Variants in SIPA1L3 observed in about 807,000 individuals in gnomAD.
The protein encoded by SIPA1L3 is signal induced proliferation associated 1 like 3, also known as signal-induced proliferation-associated 1-like protein 3.
SIPA1L3 carries 59 observed loss-of-function variants against 150.1 expected under a neutral mutation model. That is an observed-to-expected ratio of 0.39 (90% CI 0.32 to 0.49). The LOEUF (loss-of-function observed/expected upper bound fraction) is 0.49. Among genes scored for constraint, SIPA1L3 ranks in the 20% least tolerant of loss-of-function variants. The probability of loss-of-function intolerance (pLI) is 0.86; values close to 1 mark genes in which losing one functional copy is unlikely to be tolerated. For missense variants in SIPA1L3, 2,211 were observed against 2,489.5 expected (o/e 0.89, Z 2.38); for synonymous variants, 1,070 against 1,077.6 (o/e 0.99, Z 0.14).
intron 16 of SIPA1L3, among the ~76,000 whole-genome samples, chr19:38,188,925 A>C (rs1972748049): frequency 6.6e-6 from 1 of 151,556 alleles, no homozygotes; most frequent in Non-Finnish European, 1.5e-5. Context: ...CGTCTCAAAA[A>C]AAAAAAAAAA....
intron 2 of SIPA1L3, among the ~76,000 whole-genome samples, chr19:38,075,186 G>A (rs558173852): frequency 5.4e-4 from 82 of 152,342 alleles, no homozygotes; most frequent in African/African-American, 1.9e-3. Flanking sequence ...ACTGGGCGTG[G>A]TGGCTCACGC....
At chr19:38,167,001 A>G (rs1206397929) in intron 15 of SIPA1L3, among the ~76,000 whole-genome samples, 1 of 152,062 alleles carries the variant, frequency 6.6e-6, no homozygotes, top group Non-Finnish European at 1.5e-5. Flanking sequence ...TTGGGAGGCC[A>G]AGGCAAGCGG....
chr19:38,149,392 CAAAA>C (rs1328130035), intron 12 of SIPA1L3, among the ~76,000 whole-genome samples: 9 of 151,760 alleles, frequency 5.9e-5, no homozygotes, highest in Non-Finnish European at 1.3e-4. Context: ...CTCAAAAAAA[CAAAA>C]AAAGTCTTGT....
At position 38,088,138 on chromosome 19, in the gene SIPA1L3, A is replaced by G. The variant is rs369273186; in HGVS notation, c.1535-583A>G. Reference sequence around the variant, plus strand: ...CAACAACTGGGGATGGTCATTGCCAACACTCATCATGTGCGTACTATGTGC... The same window carrying G: ...CAACAACTGGGGATGGTCATTGCCAGCACTCATCATGTGCGTACTATGTGC... On this transcript the variant is annotated intron_variant, in intron 3 of 21. Coordinates refer to ENST00000222345, the MANE Select transcript of SIPA1L3 (RefSeq NM_015073.3). Among the ~76,000 whole-genome samples, 20 of 152,256 alleles carry G rather than the reference A, an allele frequency of 1.3e-4. 1 individual carries two copies. Among genetic ancestry groups the G allele is most frequent in the East Asian group, 1.2e-3 (6 of 5,200 alleles).
chr19:37,980,997 A>G (rs1296093823), intron 1 of SIPA1L3, among the ~76,000 whole-genome samples: 2 of 152,194 alleles, frequency 1.3e-5, no homozygotes, highest in Admixed American at 6.5e-5. Flanking sequence ...TGCCAAATAC[A>G]GGCTTTGTTT....
chr19:38,156,641 A>G lies in SIPA1L3; in HGVS notation c.3661+3674A>G, dbSNP rs563706986. On this transcript the variant is annotated intron_variant, in intron 13 of 21. Transcript: ENST00000222345. ...GGAGCTCAAGACCAGCCTGACCAAC[A>G]TGATGAAACCCTATCTGTACCAAAA... Among the ~76,000 whole-genome samples the G allele has an allele frequency of 5.3e-5, 8 of 151,870 alleles. No individual in the cohort carries two copies. The South Asian group carries it at 1.7e-3, about 32-fold the overall frequency.
At position 38,088,772 on chromosome 19, in the gene SIPA1L3, G is replaced by A. The variant is rs1970196741; in HGVS notation, c.1586G>A (p.Ser529Asn). Residue 529 changes from serine to asparagine, a missense_variant, in exon 4 of 22, where the codon AGC becomes AAC. Physicochemically the swap from Ser to Asn is conservative, Grantham distance 46. This residue lies in a region of SIPA1L3 where 625 missense variants were observed against 804.2 expected (regional missense o/e 0.78). Transcript: ENST00000222345. ...GAGAAGCTGGGGCCAGTGGCTGTGA[G>A]CATTAAGCGGGAGAAGCTGGAAGAC... is the stretch of plus-strand genomic sequence containing the variant. ...VDEKLGPVAV[S>N]IKREKLEDHK... The A allele has an allele frequency of 1.2e-6, 2 of 1,614,136 alleles. No individual in the cohort carries two copies. The highest frequency in any genetic ancestry group is 1.7e-6 in the Non-Finnish European group (2 of 1,179,976).
At chr19:38,077,045 AG>A (rs1236215496) in intron 2 of SIPA1L3, among the ~76,000 whole-genome samples, 1 of 152,232 alleles carries the variant, frequency 6.6e-6, no homozygotes, top group Admixed American at 6.5e-5. Context: ...ATGCCAGCAA[AG>A]GATGGTTTGA....
chr19:38,025,599 A>G (rs1005809188), intron 1 of SIPA1L3, among the ~76,000 whole-genome samples: 2 of 152,236 alleles, frequency 1.3e-5, no homozygotes, highest in African/African-American at 2.4e-5. Context: ...CAGCCTTTAT[A>G]GAGCCATATG....
rs556125554 is a variant in SIPA1L3 at position 37,954,526 on chromosome 19, C to G, written c.-379+47168C>G. Among the ~76,000 whole-genome samples, 255 of 152,184 alleles carry G rather than the reference C, an allele frequency of 1.7e-3. 1 individual carries two copies. The highest frequency in any genetic ancestry group is 1.8e-3 in the Non-Finnish European group (123 of 68,010). On this transcript the variant is annotated intron_variant, in intron 1 of 21. Transcript: ENST00000222345. ...GAGACAGGCTGGTTTGCAGCCAGAT[C>G]AGTTTTAGGAAGAGGAACTTGTGGA...
At chr19:38,115,633 CGGCTGCTACCTGTGCTGCACCCCCT>C (rs1039636907) in intron 8 of SIPA1L3, among the ~76,000 whole-genome samples, 7 of 152,168 alleles carry the variant, frequency 4.6e-5, no homozygotes, top group South Asian at 2.1e-4. Flanking sequence ...CTTCCCTAGT[CGGCTGCTACCTGTGCTGCACCCCCT>C]GGCTGCAGCA....
intron 1 of SIPA1L3, among the ~76,000 whole-genome samples, chr19:38,026,226 A>G (rs1968507304): frequency 6.6e-6 from 1 of 152,136 alleles, no homozygotes. Context: ...TTTTATTCTC[A>G]GGTAGGCTCT....
Position 38,178,756 on chromosome 19 carries a change from A to G in SIPA1L3, c.4209-3763A>G, listed in dbSNP as rs573884197. Among the ~76,000 whole-genome samples, 18 of 152,218 alleles carry G rather than the reference A, an allele frequency of 1.2e-4. 2 individuals carry two copies. The South Asian group carries it at 3.3e-3, about 28-fold the overall frequency. ...CTCCCAAAGTGCCGGGATTACAGGCATGAGCTACCACACCCAGCCAGGCCA... is the reference window on the plus strand; with the variant it reads ...CTCCCAAAGTGCCGGGATTACAGGCGTGAGCTACCACACCCAGCCAGGCCA... On this transcript the variant is annotated intron_variant, in intron 15 of 21. Transcript: ENST00000222345.
rs766856451 is a variant in SIPA1L3, at chr19:38,152,926, G to T, written c.3620G>T (p.Gly1207Val). Reference sequence around the variant, plus strand: ...TCCAGCGGCGACTCCTCTTCCGGCGGCCTGACCAGCCAGGAGAGCACCATG... The same window carrying T: ...TCCAGCGGCGACTCCTCTTCCGGCGTCCTGACCAGCCAGGAGAGCACCATG... ...GTSSGDSSSG[G>V]LTSQESTMER... Residue 1207 changes from glycine to valine, a missense_variant, in exon 13 of 22, where the codon GGC (glycine) becomes GTC (valine). Physicochemically the swap from Gly to Val is moderately radical, Grantham distance 109. This residue lies in a region of SIPA1L3 where 806 missense variants were observed against 870.1 expected (regional missense o/e 0.93). Coordinates refer to ENST00000222345, the MANE Select transcript of SIPA1L3 (RefSeq NM_015073.3). The T allele has an allele frequency of 1.9e-6, 3 of 1,613,668 alleles. No individual in the cohort carries two copies. The highest frequency in any genetic ancestry group is 2.5e-6 in the Non-Finnish European group (3 of 1,179,838).
intron 15 of SIPA1L3, among the ~76,000 whole-genome samples, chr19:38,166,184 G>A (rs917038117): frequency 1.3e-5 from 2 of 152,058 alleles, no homozygotes; most frequent in South Asian, 2.1e-4. Flanking sequence ...GGCTGGAAAC[G>A]GTGGCTCATA....
At position 37,955,675 on chromosome 19, in the gene SIPA1L3, C is replaced by T. The variant is rs353401; in HGVS notation, c.-379+48317C>T. Among the ~76,000 whole-genome samples, 191 of 152,296 alleles carry T rather than the reference C, an allele frequency of 1.3e-3. 2 individuals carry two copies. In the East Asian group the frequency reaches 0.015, roughly 12 times the overall value. ...TCCGTCACTTAGCATAATGTTTCTG[C>T]GCTTCCTCCAGGTGATAGCTCATAT... On this transcript the variant is annotated intron_variant, in intron 1 of 21. Coordinates refer to ENST00000222345, the MANE Select transcript of SIPA1L3 (RefSeq NM_015073.3).
chr19:38,074,464 C>T (rs1969795436), intron 2 of SIPA1L3, among the ~76,000 whole-genome samples: 1 of 152,228 alleles, frequency 6.6e-6, no homozygotes, highest in South Asian at 2.1e-4. Context: ...ACTCTGCACT[C>T]TGAAGGCAGA....
intron 8 of SIPA1L3, among the ~76,000 whole-genome samples, chr19:38,118,370 A>G (rs1436111406): frequency 6.8e-6 from 1 of 147,896 alleles, no homozygotes; most frequent in Non-Finnish European, 1.5e-5. Context: ...GGTTGCTGTG[A>G]GCCGAGATTG....
At chr19:38,113,139 A>C (rs1438032376) in intron 8 of SIPA1L3, among the ~76,000 whole-genome samples, 1 of 151,838 alleles carries the variant, frequency 6.6e-6, no homozygotes, top group Non-Finnish European at 1.5e-5. Context: ...TGAACCCAGG[A>C]GGCAGAGGTT....
Sources: gnomAD v4.1 joint callset for allele counts (sites outside exome capture counted in the v4.1 genomes callset) on GRCh38, gnomAD v4.1.1 for gene constraint, gnomAD v4.1.1 regional missense constraint, MANE v1.5 for transcripts, NCBI Gene and HGNC (gene_info 2026-07-23, HGNC 2026-07-21) for gene names.